Variants in ORC1 observed in about 807,000 individuals in gnomAD.
ORC1 encodes origin recognition complex, subunit 1 homolog.
In ORC1, 61 loss-of-function variants were observed where a neutral mutation model predicts 98.9. The observed-to-expected ratio is 0.62, with a 90% confidence interval of 0.50 to 0.76. The LOEUF is 0.76. Among genes scored for constraint, ORC1 ranks in the 30% least tolerant of loss-of-function variants. The pLI, the probability that ORC1 is intolerant of heterozygous loss-of-function variation, is 0.00. For missense variants in ORC1, 979 were observed against 1,072.2 expected (o/e 0.91, Z 1.21); for synonymous variants, 385 against 406.9 (o/e 0.95, Z 0.65).
chr1:52,373,433 GT>G, intron 16 of ORC1, 58 bp from the exon 17 acceptor site: 1 of 1,458,616 alleles, frequency 6.9e-7, no homozygotes, highest in South Asian at 1.2e-5. Context: ...GGCTTTTTCT[GT>G]TCCTTTCTTT....
chr1:52,387,630 G>T (rs979299684), intron 8 of ORC1, among the ~76,000 whole-genome samples: 1 of 152,062 alleles, frequency 6.6e-6, no homozygotes, highest in African/African-American at 2.4e-5. Flanking sequence ...GCTAATTTTT[G>T]TATTTTAAGC....
intron 1 of ORC1, among the ~76,000 whole-genome samples, chr1:52,403,523 CCACCTAA>C (rs1389666761): frequency 6.6e-6 from 1 of 152,146 alleles, no homozygotes; most frequent in African/African-American, 2.4e-5. Context: ...CATTTCCAGC[CCACCTAA>C]CACAGCAGAG....
intron 6 of ORC1, 61 bp from the exon 7 acceptor site, chr1:52,389,382 C>T: frequency 8.5e-7 from 1 of 1,180,898 alleles, no homozygotes; most frequent in Non-Finnish European, 1.3e-6. Context: ...GTACAAAAGG[C>T]ACTAGAAGAT....
chr1:52,382,886 A>AT (rs527631991), intron 13 of ORC1, among the ~76,000 whole-genome samples: 163 of 148,584 alleles, frequency 1.1e-3, no homozygotes, highest in African/African-American at 3.5e-3. Flanking sequence ...AGCCTAAAAC[A>AT]TTTTTTTTTT....
intron 4 of ORC1, 113 bp downstream of exon 4, chr1:52,397,572 A>C: frequency 1.0e-6 from 1 of 963,898 alleles, no homozygotes; most frequent in Non-Finnish European, 1.7e-6. Flanking sequence ...ATGACAGGAA[A>C]TAATGCATTC....
chr1:52,384,842 G>A, intron 10 of ORC1, 121 bp from the exon 11 acceptor site: 1 of 858,420 alleles, frequency 1.2e-6, no homozygotes, highest in East Asian at 2.6e-5. Context: ...TGTGGAGGTG[G>A]GGGCAGTAGG....
intron 14 of ORC1, 57 bp downstream of exon 14, chr1:52,381,580 ATACCC>A: frequency 6.3e-7 from 1 of 1,587,932 alleles, no homozygotes; most frequent in Non-Finnish European, 8.6e-7. Context: ...ATAGGGCCTC[ATACCC>A]AGCAGGTACT....
At chr1:52,384,753 G>A in intron 10 of ORC1, 32 bp from the exon 11 acceptor site, 1 of 1,579,736 alleles carries the variant, frequency 6.3e-7, no homozygotes, top group Non-Finnish European at 8.6e-7. Flanking sequence ...CGTGGGGTAG[G>A]TCTCAGCCAG....
chr1:52,396,845 T>A (rs1403030847), intron 4 of ORC1, among the ~76,000 whole-genome samples: 1 of 152,186 alleles, frequency 6.6e-6, no homozygotes, highest in Non-Finnish European at 1.5e-5. Context: ...TGGCTCCCAC[T>A]GTAGCAAGAC....
chr1:52,398,010 C>G, intron 3 of ORC1, 147 bp from the exon 4 acceptor site: 1 of 756,938 alleles, frequency 1.3e-6, no homozygotes, highest in Admixed American at 2.1e-5. Context: ...GTCACCCAGG[C>G]TGGAGTGCAG....
intron 1 of ORC1, among the ~76,000 whole-genome samples, chr1:52,402,671 C>T (rs1423213321): frequency 3.3e-5 from 5 of 152,204 alleles, no homozygotes; most frequent in East Asian, 1.9e-4. Context: ...CAGTGGCTCA[C>T]GCCTGTAATC....
At chr1:52,400,976 T>A (rs142643324) in intron 3 of ORC1, among the ~76,000 whole-genome samples, 2 of 152,222 alleles carry the variant, frequency 1.3e-5, no homozygotes, top group South Asian at 4.1e-4. Context: ...TGTAACGAAG[T>A]AGCACTTGCA....
At chr1:52,376,026 C>T (rs150526414) in intron 14 of ORC1, among the ~76,000 whole-genome samples, 2,000 of 152,266 alleles carry the variant, frequency 0.013, 171 homozygotes, top group Admixed American at 0.12. Flanking sequence ...CCTTACAGCA[C>T]GTGGTGAATT....
At chr1:52,407,001 GA>G (rs1648014227), upstream of ORC1, among the ~76,000 whole-genome samples, 1 of 152,190 alleles carries the variant, frequency 6.6e-6, no homozygotes, top group South Asian at 2.1e-4. Context: ...TTAGATATAG[GA>G]AAAAGGGAAG....
rs1647385175 is a variant in ORC1 at position 52,396,164 on chromosome 1, A to G, written c.603T>C (p.Ser201=). 1 of 1,614,162 alleles carries G rather than the reference A, an allele frequency of 6.2e-7. No individual in the cohort carries two copies. The highest frequency in any genetic ancestry group is 1.7e-5 in the Admixed American group (1 of 60,020). The change falls in exon 5 of 17, where the codon TCT becomes TCC. Residue 201 remains serine, a synonymous_variant. Transcript: ENST00000371568. ...TGGCCACATGTTCTGCTGGGGTCCA[A>G]GAAGGGCTCTCTGCACTCTTACTCT... ...RAKSKSAESP[S]WTPAEHVAKR...
upstream of ORC1, chr1:52,405,938 A>G (rs749108684): frequency 9.0e-6 from 9 of 996,724 alleles, no homozygotes; most frequent in Non-Finnish European, 1.4e-5. Context: ...TCTCATTTCT[A>G]GAGAGTTCCA....
intron 4 of ORC1, among the ~76,000 whole-genome samples, chr1:52,397,391 T>C (rs1490679918): frequency 1.3e-5 from 2 of 152,240 alleles, no homozygotes; most frequent in South Asian, 2.1e-4. Context: ...CAATGCTTTA[T>C]GCATGCCACA....
upstream of ORC1, chr1:52,405,891 G>C (rs777548186): frequency 4.6e-6 from 7 of 1,530,168 alleles, no homozygotes; most frequent in Non-Finnish European, 6.3e-6. Flanking sequence ...TGGCGGTTTA[G>C]AATTGGGCTT....
At chr1:52,398,961 C>T (rs944217644) in intron 3 of ORC1, among the ~76,000 whole-genome samples, 13 of 152,130 alleles carry the variant, frequency 8.5e-5, no homozygotes, top group African/African-American at 2.4e-4. Flanking sequence ...AATCAAGTGA[C>T]GGGGGACCTT....
Sources: allele counts gnomAD v4.1 joint callset (sites outside exome capture counted in the v4.1 genomes callset), GRCh38; gene constraint gnomAD v4.1.1; transcripts MANE v1.5; gene names NCBI Gene and HGNC (gene_info 2026-07-23, HGNC 2026-07-21).